Variants in AGAP1 observed in about 807,000 individuals in gnomAD.
AGAP1 encodes ArfGAP with GTPase domain, ankyrin repeat and PH domain 1, also known as arf-GAP with GTPase, ANK repeat and PH domain-containing protein 1.
In AGAP1, 29 loss-of-function variants were observed where a neutral mutation model predicts 105.3. That is an observed-to-expected ratio of 0.28 (90% CI 0.21 to 0.38). The LOEUF (loss-of-function observed/expected upper bound fraction) is 0.38. AGAP1 is among the 10% of genes least tolerant of loss of function. AGAP1 has a pLI of 1.00. For synonymous variants in AGAP1, 509 were observed against 485.9 expected (o/e 1.05, Z -0.63); for missense variants, 998 against 1,165.1 (o/e 0.86, Z 2.09).
In AGAP1 at chr2:235,753,029, C is replaced by T. The variant is rs953350811; in HGVS notation, c.673+2541C>T. Among the ~76,000 whole-genome samples, 2 of 152,180 alleles carry T rather than the reference C, an allele frequency of 1.3e-5. No individual in the cohort carries two copies. The highest frequency in any genetic ancestry group is 2.9e-5 in the Non-Finnish European group (2 of 68,044). On this transcript the variant is annotated intron_variant, in intron 6 of 17. Transcript: ENST00000304032. This position sits in a 1 kb window ranked among gnomAD's most constrained non-coding sequence, Gnocchi z 4.5. ...CCTCGCCAGTCCCTTCCCATAAAGG[C>T]ACTTAACCCATCACAGGGTTCCACC... is the stretch of plus-strand genomic sequence containing the variant.
At chr2:235,573,900 C>T (rs1234002553) in intron 1 of AGAP1, among the ~76,000 whole-genome samples, 4 of 152,230 alleles carry the variant, frequency 2.6e-5, no homozygotes, top group Non-Finnish European at 5.9e-5. Context: ...GTATTCATGG[C>T]TGGGGCTGGC....
At chr2:235,671,571 C>T (rs776874842) in intron 1 of AGAP1, among the ~76,000 whole-genome samples, 3 of 152,188 alleles carry the variant, frequency 2.0e-5, no homozygotes, top group Admixed American at 6.5e-5. Context: ...CTCCGTGGCC[C>T]TCGGTATTGA....
At chr2:235,941,857 T>C (rs1227705481) in intron 12 of AGAP1, among the ~76,000 whole-genome samples, 2 of 143,482 alleles carry the variant, frequency 1.4e-5, no homozygotes, top group African/African-American at 5.3e-5. Flanking sequence ...GTTGGGGGGG[T>C]AAGAAGGGCG....
Position 236,128,411 on chromosome 2 carries a change from TCA to T in AGAP1, c.*4291_*4292del, listed in dbSNP as rs1491470547. The T allele has an allele frequency of 1.3e-5, 2 of 152,346 alleles. No individual in the cohort carries two copies. The highest frequency in any genetic ancestry group is 4.8e-5 in the African/African-American group (2 of 41,426). The allele number at this position is 152,346 out of a possible 1,614,324, so 9.4% of individuals were successfully genotyped here. A position where few individuals can be genotyped will look rare whatever the true frequency, so the allele number is the denominator to read the frequency against. On this transcript the variant is annotated 3_prime_UTR_variant, in exon 18 of 18. Coordinates refer to ENST00000304032, the MANE Select transcript of AGAP1 (RefSeq NM_001037131.3). The surrounding 1 kb of genome is among the most constrained non-coding windows in gnomAD (Gnocchi z 5.9). ...TGCCGTTGCCATGAGCCGCTGTGAC[TCA>T]CGCGTGCACTGGGCCTTGCTTGGTG...
At chr2:235,738,006 A>T (rs1377182313) in intron 3 of AGAP1, among the ~76,000 whole-genome samples, 2 of 151,908 alleles carry the variant, frequency 1.3e-5, no homozygotes, top group Non-Finnish European at 2.9e-5. Flanking sequence ...TAGGGCACTC[A>T]GCGTCCGGAG....
At chr2:235,670,473 C>T (rs1256106022) in intron 1 of AGAP1, 3 of 521,820 alleles carry the variant, frequency 5.7e-6, no homozygotes, top group East Asian at 3.7e-5. Flanking sequence ...GGCAGCGCCC[C>T]GGCCGAGGAG....
In AGAP1 at chr2:235,973,435, A is replaced by T. The variant is rs2054735658; in HGVS notation, c.1645+4812A>T. Among the ~76,000 whole-genome samples, 1 of 152,202 alleles carries T rather than the reference A, an allele frequency of 6.6e-6. No homozygotes were observed. Among genetic ancestry groups the T allele is most frequent in the Non-Finnish European group, 1.5e-5 (1 of 68,032 alleles). On this transcript the variant is annotated intron_variant, in intron 13 of 17. Transcript: ENST00000304032. This position sits in a 1 kb window ranked among gnomAD's most constrained non-coding sequence, Gnocchi z 4.7. ...TGACAGAGCCCGTCGCTAGGCTCTT[A>T]TGTCACAGATGGGCTGCTGTGCTGC...
chr2:236,061,640 G>C lies in AGAP1; in HGVS notation c.2114+12359G>C, dbSNP rs4663636. On this transcript the variant is annotated intron_variant, in intron 16 of 17. Transcript: ENST00000304032. The surrounding 1 kb of genome is among the most constrained non-coding windows in gnomAD (Gnocchi z 4.1). Reference sequence around the variant, plus strand: ...TGTACCATTCCATCTGTCTGATGGCGAAAACAGGCACCTCCATAGTAATGC... The same window carrying C: ...TGTACCATTCCATCTGTCTGATGGCCAAAACAGGCACCTCCATAGTAATGC... Among the ~76,000 whole-genome samples the C allele has an allele frequency of 0.76, 115,138 of 151,884 alleles. 43,869 individuals carry two copies. The highest frequency in any genetic ancestry group is 0.92 in the East Asian group (4,742 of 5,142).
rs1368355285 is a variant in AGAP1, at chr2:235,769,320, G to A, written c.673+18832G>A. On this transcript the variant is annotated intron_variant, in intron 6 of 17. Coordinates refer to ENST00000304032, the MANE Select transcript of AGAP1 (RefSeq NM_001037131.3). The surrounding 1 kb of genome is among the most constrained non-coding windows in gnomAD (Gnocchi z 4.4). ...GGACATGCCTGGGCTGCTGAGTGGG[G>A]CGTGCCCAACTCTTTCTGCTTTGAG... 6.6e-6 allele frequency among the ~76,000 whole-genome samples: 1 copy of A among 152,212 alleles called. No individual in the cohort carries two copies. The highest frequency in any genetic ancestry group is 1.5e-5 in the Non-Finnish European group (1 of 68,046).
chr2:235,695,181 C>T (rs1050081975), intron 1 of AGAP1, among the ~76,000 whole-genome samples: 4 of 152,180 alleles, frequency 2.6e-5, no homozygotes, highest in Non-Finnish European at 5.9e-5. Flanking sequence ...GGCTGACCTT[C>T]GCAGGCTTCA....
rs1452437250 is a variant in AGAP1, at chr2:235,582,456, A to G, written c.163+87607A>G. On this transcript the variant is annotated intron_variant, in intron 1 of 17. Transcript: ENST00000304032. This position sits in a 1 kb window ranked among gnomAD's most constrained non-coding sequence, Gnocchi z 4.7. ...AAGCATGGGTGTCCCCTTAGACATC[A>G]TGGGAGCTCATTGCATTGATGAAGC... Among the ~76,000 whole-genome samples, 1 of 152,176 alleles carries G rather than the reference A, an allele frequency of 6.6e-6. No homozygotes were observed. Among genetic ancestry groups the G allele is most frequent in the Non-Finnish European group, 1.5e-5 (1 of 68,034 alleles).
intron 1 of AGAP1, among the ~76,000 whole-genome samples, chr2:235,677,794 C>T (rs929564692): frequency 1.3e-5 from 2 of 151,498 alleles, no homozygotes; most frequent in Non-Finnish European, 2.9e-5. Context: ...CGGCTCCTGC[C>T]CTCTCTGACT....
Position 235,931,208 on chromosome 2 carries a change from T to C in AGAP1, c.1483+285T>C, listed in dbSNP as rs1434096966. Among the ~76,000 whole-genome samples, 1 of 152,172 alleles carries C rather than the reference T, an allele frequency of 6.6e-6. No individual in the cohort carries two copies. On this transcript the variant is annotated intron_variant, in intron 12 of 17. Transcript: ENST00000304032. The surrounding 1 kb of genome is among the most constrained non-coding windows in gnomAD (Gnocchi z 5.6). The stretch of plus-strand genomic sequence containing the variant: ...TGAGGCGGCAGACAGGGCAACTGGC[T>C]TACCCAGGGTCACGTGACAGAAGTG...
intron 12 of AGAP1, among the ~76,000 whole-genome samples, chr2:235,933,974 C>T (rs1003181991): frequency 2.6e-5 from 4 of 152,170 alleles, no homozygotes; most frequent in Non-Finnish European, 4.4e-5. Context: ...TGTTACCTGC[C>T]TTCTACAGGG....
chr2:235,744,041 C>T lies in AGAP1; in HGVS notation c.397-657C>T, dbSNP rs538961786. On this transcript the variant is annotated intron_variant, in intron 4 of 17. Transcript: ENST00000304032. This position sits in a 1 kb window ranked among gnomAD's most constrained non-coding sequence, Gnocchi z 5.2. ...TGGCAAGACAAGAATAAAATGAATA[C>T]GGCAAAGCAAGAACAAAATGGCGAG... 3.9e-5 allele frequency among the ~76,000 whole-genome samples: 6 copies of T among 152,328 alleles called. No individual in the cohort carries two copies. Among genetic ancestry groups the T allele is most frequent in the South Asian group, 4.1e-4 (2 of 4,830 alleles).
At chr2:235,645,913 T>C (rs1947368237) in intron 1 of AGAP1, among the ~76,000 whole-genome samples, 1 of 152,126 alleles carries the variant, frequency 6.6e-6, no homozygotes, top group African/African-American at 2.4e-5. Flanking sequence ...AATTCTTTGC[T>C]CCATTGCTAC....
chr2:235,816,596 A>G (rs950840843), intron 9 of AGAP1, among the ~76,000 whole-genome samples: 1 of 151,264 alleles, frequency 6.6e-6, no homozygotes, highest in Admixed American at 6.6e-5. Flanking sequence ...CTACATAGAA[A>G]CAGATGTCTA....
At chr2:235,803,572 T>C (rs978736392) in intron 8 of AGAP1, among the ~76,000 whole-genome samples, 18 of 152,216 alleles carry the variant, frequency 1.2e-4, no homozygotes, top group African/African-American at 4.3e-4. Context: ...CCTTATTTAT[T>C]AGAACATCAT....
At chr2:235,805,333 T>G (rs1957783614) in intron 8 of AGAP1, among the ~76,000 whole-genome samples, 1 of 152,214 alleles carries the variant, frequency 6.6e-6, no homozygotes, top group South Asian at 2.1e-4. Context: ...GAGCTATTTC[T>G]TCCCATTTCA....
Sources: allele counts gnomAD v4.1 joint callset (sites outside exome capture counted in the v4.1 genomes callset), GRCh38; gene constraint gnomAD v4.1.1; non-coding constraint Gnocchi (gnomAD v3.1); transcripts MANE v1.5; gene names NCBI Gene and HGNC (gene_info 2026-07-23, HGNC 2026-07-21).